The following AUTS2 variants were observed in gnomAD, a reference collection of about 807,000 sequenced individuals.
The protein encoded by AUTS2 is autism susceptibility gene 2 protein.
AUTS2 carries 17 observed loss-of-function variants against 112.4 expected under a neutral mutation model. The ratio of observed to expected loss-of-function variants is 0.15; its 90% CI spans 0.10 to 0.23. The LOEUF (loss-of-function observed/expected upper bound fraction) is 0.23. AUTS2 is among the 10% of genes least tolerant of loss of function. AUTS2 has a pLI of 1.00. For synonymous variants in AUTS2, 751 were observed against 702.7 expected (o/e 1.07, Z -1.09); for missense variants, 1,510 against 1,701.6 (o/e 0.89, Z 1.98).
At chr7:70,551,929 C>T (rs1801029722) in intron 5 of AUTS2, among the ~76,000 whole-genome samples, 1 of 152,216 alleles carries the variant, frequency 6.6e-6, no homozygotes, top group South Asian at 2.1e-4. Context: ...GAAGGGTTAG[C>T]ATCAATTATC....
intron 5 of AUTS2, among the ~76,000 whole-genome samples, chr7:70,675,119 C>T (rs1225375396): frequency 6.6e-6 from 1 of 152,134 alleles, no homozygotes; most frequent in Non-Finnish European, 1.5e-5. Context: ...CTCCCTACCT[C>T]CAATCGTAGA....
intron 4 of AUTS2, among the ~76,000 whole-genome samples, chr7:70,184,968 A>G (rs910098535): frequency 6.6e-6 from 1 of 152,222 alleles, no homozygotes; most frequent in Non-Finnish European, 1.5e-5. Flanking sequence ...AAATGCACCA[A>G]ATATGACTAT....
intron 1 of AUTS2, among the ~76,000 whole-genome samples, chr7:69,841,163 G>A (rs1374372933): frequency 6.6e-6 from 1 of 152,174 alleles, no homozygotes; most frequent in Admixed American, 6.5e-5. Context: ...CTAACCAGGT[G>A]TATTAGGCTG....
intron 5 of AUTS2, among the ~76,000 whole-genome samples, chr7:70,522,442 C>T (rs1438796863): frequency 6.6e-6 from 1 of 152,208 alleles, no homozygotes; most frequent in Non-Finnish European, 1.5e-5. Flanking sequence ...TTCTTTAGCT[C>T]TTGCCTTCTT....
intron 2 of AUTS2, among the ~76,000 whole-genome samples, chr7:69,902,686 G>A (rs182847157): frequency 1.8e-4 from 28 of 152,106 alleles, no homozygotes; most frequent in Middle Eastern, 3.4e-3. Flanking sequence ...CTTTTTACTC[G>A]GAGGGTGCAA....
intron 2 of AUTS2, among the ~76,000 whole-genome samples, chr7:69,978,038 C>T (rs1254096541): frequency 6.6e-6 from 1 of 152,132 alleles, no homozygotes; most frequent in Non-Finnish European, 1.5e-5. Flanking sequence ...CCCTAAGATG[C>T]TTTTAAAACA....
rs73168794 is a variant in AUTS2, at chr7:70,000,382, A to T, written c.522+100884A>T. On this transcript the variant is annotated intron_variant, in intron 2 of 18. Transcript: ENST00000342771. ...CTTTTACCTGTTCTCTGGCATTTAAATATTCTTGTAAAGAGCTAAGCCATT... is the reference window on the plus strand; with the variant it reads ...CTTTTACCTGTTCTCTGGCATTTAATTATTCTTGTAAAGAGCTAAGCCATT... Among the ~76,000 whole-genome samples the T allele has an allele frequency of 5.5e-3, 839 of 152,292 alleles. 11 individuals are homozygous for T. The highest frequency in any genetic ancestry group is 6.1e-3 in the Non-Finnish European group (416 of 68,016).
intron 4 of AUTS2, among the ~76,000 whole-genome samples, chr7:70,313,089 C>T (rs1789835320): frequency 6.6e-6 from 1 of 152,150 alleles, no homozygotes; most frequent in Non-Finnish European, 1.5e-5. Context: ...AACTGCAGAG[C>T]AACACATTTA....
At chr7:70,747,301 C>T (rs776929504) in intron 6 of AUTS2, among the ~76,000 whole-genome samples, 2 of 152,198 alleles carry the variant, frequency 1.3e-5, no homozygotes, top group East Asian at 1.9e-4. Context: ...GAGAGCATTT[C>T]CCTTCCAGGA....
intron 4 of AUTS2, among the ~76,000 whole-genome samples, chr7:70,396,294 A>C (rs921724392): frequency 1.3e-5 from 2 of 152,006 alleles, no homozygotes; most frequent in Admixed American, 6.6e-5. Flanking sequence ...ATGGATTACT[A>C]TTCATGTTTA....
intron 5 of AUTS2, among the ~76,000 whole-genome samples, chr7:70,635,002 C>A (rs1011645874): frequency 6.6e-6 from 1 of 152,102 alleles, no homozygotes; most frequent in Non-Finnish European, 1.5e-5. Flanking sequence ...ACCCCTTCAC[C>A]ATCTGTAAAG....
At chr7:70,626,634 C>T (rs182770413) in intron 5 of AUTS2, among the ~76,000 whole-genome samples, 2 of 151,950 alleles carry the variant, frequency 1.3e-5, no homozygotes, top group African/African-American at 4.8e-5. Context: ...GAGCGCAGTA[C>T]CCAATAGTTT....
intron 4 of AUTS2, among the ~76,000 whole-genome samples, chr7:70,433,299 C>T (rs555013255): frequency 4.6e-5 from 7 of 152,284 alleles, no homozygotes; most frequent in Non-Finnish European, 7.4e-5. Flanking sequence ...TGGGCAAATG[C>T]GATGCCACAG....
At chr7:70,095,527 T>G (rs546929084) in intron 2 of AUTS2, among the ~76,000 whole-genome samples, 1 of 152,272 alleles carries the variant, frequency 6.6e-6, no homozygotes, top group South Asian at 2.1e-4. Context: ...ATATGTACAT[T>G]CACTTAACAT....
intron 4 of AUTS2, among the ~76,000 whole-genome samples, chr7:70,166,856 C>T (rs577850772): frequency 2.0e-5 from 3 of 152,018 alleles, no homozygotes; most frequent in Admixed American, 6.6e-5. Context: ...TTTGTGCTGC[C>T]TGCAAAAAAC....
intron 5 of AUTS2, among the ~76,000 whole-genome samples, chr7:70,616,987 A>C (rs1245795258): frequency 1.3e-5 from 2 of 152,178 alleles, no homozygotes; most frequent in Non-Finnish European, 2.9e-5. Context: ...GCTATGTATC[A>C]CTTAGGAGTG....
At chr7:70,141,938 A>C (rs1806887835) in intron 4 of AUTS2, among the ~76,000 whole-genome samples, 1 of 152,198 alleles carries the variant, frequency 6.6e-6, no homozygotes, top group Non-Finnish European at 1.5e-5. Flanking sequence ...CCTACACACT[A>C]TGTTTAACTT....
At chr7:70,591,937 C>T (rs927560195) in intron 5 of AUTS2, among the ~76,000 whole-genome samples, 4 of 152,174 alleles carry the variant, frequency 2.6e-5, no homozygotes, top group South Asian at 2.1e-4. Context: ...AGGAGGCTCA[C>T]GGACTGCCTC....
At chr7:70,475,872 CA>C (rs1327584885) in intron 5 of AUTS2, among the ~76,000 whole-genome samples, 1 of 151,996 alleles carries the variant, frequency 6.6e-6, no homozygotes, top group Non-Finnish European at 1.5e-5. Flanking sequence ...CCTGTCTCTA[CA>C]AAAAACTTTC....
Sources: gnomAD v4.1 joint callset for allele counts (sites outside exome capture counted in the v4.1 genomes callset) on GRCh38, gnomAD v4.1.1 for gene constraint, MANE v1.5 for transcripts, NCBI Gene and HGNC (gene_info 2026-07-23, HGNC 2026-07-21) for gene names.